The following DET1 variants were observed in gnomAD, a reference collection of about 807,000 sequenced individuals.
The protein encoded by DET1 is DET1 partner of COP1 E3 ubiquitin ligase.
In DET1, 22 loss-of-function variants were observed where a neutral mutation model predicts 43.7. The observed-to-expected ratio is 0.50, with a 90% CI of 0.36 to 0.72. The LOEUF is 0.72. DET1 is among the 30% of genes least tolerant of loss of function. DET1 has a pLI of 0.00. For missense variants in DET1, 713 were observed against 713.3 expected (o/e 1.00, Z 0.00); for synonymous variants, 315 against 266.2 (o/e 1.18, Z -1.79).
chr15:88,535,046 G>A lies in DET1; in HGVS notation c.-10-3331C>T, dbSNP rs1309233418. Among the ~76,000 whole-genome samples, 14 of 152,218 alleles carry A rather than the reference G, an allele frequency of 9.2e-5. No individual in the cohort carries two copies. The East Asian group carries it at 2.7e-3, about 29-fold the overall frequency. On this transcript the variant is annotated intron_variant, in intron 1 of 4. Coordinates refer to ENST00000268148, the MANE Select transcript of DET1 (RefSeq NM_001144074.3). ...ACCTATTATAAAAATGTTCCAATAA[G>A]TAATCACAAACACTCTTGAAATGAT...
intron 3 of DET1, among the ~76,000 whole-genome samples, chr15:88,524,711 G>A (rs985286962): frequency 8.5e-5 from 13 of 152,200 alleles, no homozygotes; most frequent in East Asian, 3.9e-4. Context: ...GATTAAGGGC[G>A]GTGCAAGATG....
At chr15:88,524,941 T>A (rs2056621540) in intron 3 of DET1, among the ~76,000 whole-genome samples, 1 of 152,026 alleles carries the variant, frequency 6.6e-6, no homozygotes, top group South Asian at 2.1e-4. Flanking sequence ...CCAAGAATGA[T>A]CAATAAATAC....
At chr15:88,513,875 C>G (rs1326475898) in intron 4 of DET1, among the ~76,000 whole-genome samples, 2 of 138,608 alleles carry the variant, frequency 1.4e-5, no homozygotes, top group Non-Finnish European at 3.0e-5. Context: ...TCTCGGCTCA[C>G]TGCAAGCTCC....
In DET1 at chr15:88,530,620, T is replaced by C. The variant is rs956772224; in HGVS notation, c.1083+3A>G. ...AAGTAAAAGGCAGGAGTGTACCTCA[T>C]ACCTGTGATGGATCTGTGACTCGCA... On this transcript the variant is annotated splice_donor_region_variant and intron_variant, in intron 2 of 4. Transcript: ENST00000268148. The C allele has an allele frequency of 2.5e-6, 4 of 1,596,458 alleles. No individual in the cohort carries two copies. Among genetic ancestry groups the C allele is most frequent in the South Asian group, 2.3e-5 (2 of 87,828 alleles).
intron 3 of DET1, among the ~76,000 whole-genome samples, chr15:88,526,297 A>G (rs1056298835): frequency 2.6e-4 from 40 of 152,198 alleles, no homozygotes; most frequent in African/African-American, 9.4e-4. Flanking sequence ...CTATCTTTGG[A>G]CCTAAAACAG....
At chr15:88,517,838 T>C (rs1419333160) in intron 3 of DET1, among the ~76,000 whole-genome samples, 1 of 152,242 alleles carries the variant, frequency 6.6e-6, no homozygotes, top group Non-Finnish European at 1.5e-5. Context: ...CACCAGTATC[T>C]AGAAGAATAG....
chr15:88,510,510 T>C (rs2056185785), downstream of DET1, among the ~76,000 whole-genome samples: 3 of 152,198 alleles, frequency 2.0e-5, no homozygotes. Flanking sequence ...ACACAACTTC[T>C]CCTGGGTAAT....
At position 88,535,171 on chromosome 15, in the gene DET1, C is replaced by T. The variant is rs183070443; in HGVS notation, c.-10-3456G>A. On this transcript the variant is annotated intron_variant, in intron 1 of 4. Transcript: ENST00000268148. ...GCAATAACCAGCATACAAAACTCTT[C>T]TAGCTTCCATAGACTCTAGTAAAAT... Among the ~76,000 whole-genome samples, 902 of 152,284 alleles carry T rather than the reference C, an allele frequency of 5.9e-3. 6 individuals are homozygous for T. Among genetic ancestry groups the T allele is most frequent in the African/African-American group, 0.021 (864 of 41,558 alleles).
In DET1 at chr15:88,531,506, G is replaced by A; in HGVS notation, c.200C>T (p.Pro67Leu). ...AAAAGCAATAAAGTAGCGTCCATCA[G>A]GTGAGAATTTACGCAAGAAACAAGG... ...KPPCFLRKFS[P>L]DGRYFIAFSS... Residue 67 changes from proline (P) to leucine (L), a missense_variant, in exon 2 of 5, where the codon CCT becomes CTT. Transcript: ENST00000268148. The surrounding 1 kb of genome is among the most constrained non-coding windows in gnomAD (Gnocchi z 6.2). The A allele has an allele frequency of 6.2e-7, 1 of 1,614,008 alleles. No individual in the cohort carries two copies. Among genetic ancestry groups the A allele is most frequent in the Non-Finnish European group, 8.5e-7 (1 of 1,179,890 alleles).
chr15:88,507,466 C>G (rs1475379545), intron 7 of DET1, among the ~76,000 whole-genome samples: 1 of 152,014 alleles, frequency 6.6e-6, no homozygotes, highest in Non-Finnish European at 1.5e-5. Context: ...TTTTTCCATC[C>G]CCCTCTGTTC....
At chr15:88,514,374 G>C (rs1180092623) in intron 4 of DET1, among the ~76,000 whole-genome samples, 3 of 152,052 alleles carry the variant, frequency 2.0e-5, no homozygotes, top group Non-Finnish European at 4.4e-5. Context: ...TCTCCTTTTG[G>C]AAATTCAATA....
At chr15:88,521,683 A>C (rs1295784734) in intron 3 of DET1, among the ~76,000 whole-genome samples, 1 of 152,024 alleles carries the variant, frequency 6.6e-6, no homozygotes, top group African/African-American at 2.4e-5. Flanking sequence ...TAAATTGCAA[A>C]TCACCCTTTT....
chr15:88,524,560 C>T (rs890857037), intron 3 of DET1, among the ~76,000 whole-genome samples: 1 of 152,224 alleles, frequency 6.6e-6, no homozygotes, highest in African/African-American at 2.4e-5. Context: ...CAGATTGTTA[C>T]TGTGTCTGTG....
chr15:88,534,152 G>A (rs1385757225), intron 1 of DET1, among the ~76,000 whole-genome samples: 2 of 152,118 alleles, frequency 1.3e-5, no homozygotes, highest in Non-Finnish European at 2.9e-5. Flanking sequence ...TATTTATGGG[G>A]CATCTATTAT....
rs539337201 is a variant in DET1, at chr15:88,514,000, C to G, written c.1464-860G>C. Among the ~76,000 whole-genome samples the G allele has an allele frequency of 7.1e-4, 107 of 149,710 alleles. 1 individual carries two copies. The highest frequency in any genetic ancestry group is 1.1e-3 in the Non-Finnish European group (77 of 67,800). On this transcript the variant is annotated intron_variant, in intron 4 of 4. Transcript: ENST00000268148. The stretch of plus-strand genomic sequence containing the variant: ...ATTTTTAGTAGAGACGGGGTTTCAC[C>G]GTGTTAGCCAGGATGGTCTCGATCT...
intron 3 of DET1, among the ~76,000 whole-genome samples, chr15:88,524,426 C>CTT (rs1233007244): frequency 6.6e-6 from 1 of 150,992 alleles, no homozygotes; most frequent in Non-Finnish European, 1.5e-5. Context: ...AGTGAGGAGC[C>CTT]CCTCTGCCCA....
intron 4 of DET1, among the ~76,000 whole-genome samples, chr15:88,515,637 G>T (rs2056326140): frequency 7.6e-6 from 1 of 131,960 alleles, no homozygotes; most frequent in East Asian, 2.4e-4. Flanking sequence ...ACTATAAAAA[G>T]AATATTTATA....
chr15:88,544,178 G>A (rs542858600), intron 1 of DET1, among the ~76,000 whole-genome samples: 14 of 152,278 alleles, frequency 9.2e-5, no homozygotes, highest in Middle Eastern at 6.8e-3. Context: ...TCAGTTAGGC[G>A]TTAAACATTC....
chr15:88,509,596 A>G (rs1341162650), downstream of DET1, among the ~76,000 whole-genome samples: 1 of 152,238 alleles, frequency 6.6e-6, no homozygotes, highest in African/African-American at 2.4e-5. Context: ...TTATCGTGTT[A>G]GATCATGCAA....
Sources: gnomAD v4.1 joint callset for allele counts (sites outside exome capture counted in the v4.1 genomes callset) on GRCh38, gnomAD v4.1.1 for gene constraint, Gnocchi (gnomAD v3.1) non-coding constraint, MANE v1.5 for transcripts, NCBI Gene and HGNC (gene_info 2026-07-23, HGNC 2026-07-21) for gene names.